The following WNK3 variants were observed in gnomAD, a reference collection of about 807,000 sequenced individuals.
WNK3 encodes WNK lysine deficient protein kinase 3.
A neutral mutation model predicts 116.7 loss-of-function variants in WNK3; 18 were observed. The observed-to-expected ratio is 0.15, with a 90% CI of 0.11 to 0.23. WNK3 has a LOEUF of 0.23. Ranked by LOEUF, WNK3 falls within the 10% of genes least tolerant of loss-of-function variation. The pLI, the probability that WNK3 is intolerant of heterozygous loss-of-function variation, is 1.00. For synonymous variants in WNK3, 404 were observed against 469.4 expected, an observed-to-expected ratio of 0.86 and a Z score of 1.80; for missense variants, 993 against 1,323.8, an observed-to-expected ratio of 0.75 and a Z score of 3.88.
At chrX:54,344,241 A>G (rs1222891430) in intron 1 of WNK3, among the ~76,000 whole-genome samples, 1 of 111,171 alleles carries the variant, frequency 9.0e-6, no homozygotes, top group Non-Finnish European at 1.9e-5. Context: ...CAGGAGATCG[A>G]GACCATCCTG....
intron 10 of WNK3, among the ~76,000 whole-genome samples, chrX:54,286,829 G>A (rs782373654): frequency 1.9e-5 from 2 of 107,036 alleles, no homozygotes; most frequent in Non-Finnish European, 3.8e-5. Flanking sequence ...AGGAGAATCA[G>A]TTGAACCCAG....
At chrX:54,317,892 A>G (rs1291986919) in intron 2 of WNK3, among the ~76,000 whole-genome samples, 2 of 109,561 alleles carry the variant, frequency 1.8e-5, no homozygotes, top group South Asian at 4.1e-4. Flanking sequence ...TCGGCCTCCC[A>G]AAGTGCTGGG....
intron 10 of WNK3, among the ~76,000 whole-genome samples, chrX:54,279,028 A>T (rs1017188797): frequency 2.7e-5 from 3 of 111,460 alleles, no homozygotes; most frequent in Admixed American, 9.6e-5. Context: ...AGATCGCGCC[A>T]TCGCATTCTA....
chrX:54,296,739 G>A (rs1219243674), intron 7 of WNK3, among the ~76,000 whole-genome samples: 1 of 111,114 alleles, frequency 9.0e-6, no homozygotes, highest in Non-Finnish European at 1.9e-5. Context: ...TGAGCCTGGC[G>A]CAGATGGTTT....
At chrX:54,308,317 G>A (rs981691686) in intron 4 of WNK3, among the ~76,000 whole-genome samples, 7 of 109,832 alleles carry the variant, frequency 6.4e-5, no homozygotes, top group East Asian at 5.7e-4. Context: ...TCAGCCTCCC[G>A]GGTAGCTGGG....
At chrX:54,355,727 C>G (rs2069585174) in intron 1 of WNK3, among the ~76,000 whole-genome samples, 1 of 111,283 alleles carries the variant, frequency 9.0e-6, no homozygotes, top group Non-Finnish European at 1.9e-5. Context: ...AAGATTCCAG[C>G]CTTATCTCAT....
At chrX:54,267,643 G>A (rs947215374) in intron 10 of WNK3, among the ~76,000 whole-genome samples, 6 of 109,679 alleles carry the variant, frequency 5.5e-5, no homozygotes, top group Non-Finnish European at 1.1e-4. Context: ...AAAATTAGGC[G>A]GGCATGGTGG....
At chrX:54,208,859 T>C (rs1557143204) in intron 22 of WNK3, among the ~76,000 whole-genome samples, 3 of 111,551 alleles carry the variant, frequency 2.7e-5, no homozygotes, top group African/African-American at 9.8e-5. Context: ...ATGCTCAGAC[T>C]TCCATATGTT....
chrX:54,278,400 A>C (rs1190085920), intron 10 of WNK3, among the ~76,000 whole-genome samples: 3 of 109,254 alleles, frequency 2.7e-5, no homozygotes, highest in African/African-American at 1.0e-4. Context: ...ATATGGAAAA[A>C]CAGAAATCCA....
chrX:54,291,080 G>A (rs968506608), intron 10 of WNK3, among the ~76,000 whole-genome samples: 21 of 111,328 alleles, frequency 1.9e-4, no homozygotes, highest in African/African-American at 4.9e-4. Flanking sequence ...TTGGGAGGCC[G>A]AGGCGGGCGG....
intron 2 of WNK3, among the ~76,000 whole-genome samples, chrX:54,330,840 T>TA (rs797041632): frequency 3.6e-4 from 36 of 100,291 alleles, no homozygotes; most frequent in Middle Eastern, 5.6e-3. Context: ...TAAAGTATAA[T>TA]AAAAAAAAAA....
At chrX:54,338,059 T>C (rs1557175764) in intron 1 of WNK3, among the ~76,000 whole-genome samples, 2 of 111,189 alleles carry the variant, frequency 1.8e-5, no homozygotes, top group Non-Finnish European at 3.8e-5. Flanking sequence ...AGACCTTGTC[T>C]CAAAACAAAA....
chrX:54,254,196 A>G (rs1221019973), intron 12 of WNK3, 121 bp from the exon 13 acceptor site: 4 of 429,260 alleles, frequency 9.3e-6, no homozygotes, highest in Non-Finnish European at 1.6e-5. Flanking sequence ...AATAGTTCAG[A>G]ATGTTTTCCC....
chrX:54,200,838 A>G (rs374885892), intron 23 of WNK3, among the ~76,000 whole-genome samples: 1 of 111,637 alleles, frequency 9.0e-6, no homozygotes, highest in Non-Finnish European at 1.9e-5. Flanking sequence ...AAGGCTTCCA[A>G]TTTTTACAAT....
chrX:54,351,212 A>G (rs1557178476), intron 1 of WNK3, among the ~76,000 whole-genome samples: 2 of 111,526 alleles, frequency 1.8e-5, no homozygotes, highest in Non-Finnish European at 3.8e-5. Context: ...TCGGGAGAAA[A>G]GTCATAAAAT....
chrX:54,272,112 G>T (rs1027163151), intron 10 of WNK3, among the ~76,000 whole-genome samples: 3 of 112,197 alleles, frequency 2.7e-5, no homozygotes, highest in African/African-American at 9.7e-5. Context: ...CATTTTTACA[G>T]AAATAGTCTG....
upstream of WNK3, chrX:54,358,425 C>G (rs2069629347): frequency 9.0e-6 from 1 of 111,379 alleles, no homozygotes; most frequent in Non-Finnish European, 1.9e-5. Flanking sequence ...CCTTGGGTCT[C>G]CGCGAGCCTC....
chrX:54,291,413 A>G (rs1363703690), intron 10 of WNK3, among the ~76,000 whole-genome samples: 1 of 112,611 alleles, frequency 8.9e-6, no homozygotes, highest in Non-Finnish European at 1.9e-5. Context: ...TTTCTTTTTC[A>G]TAACTTTATG....
chrX:54,276,679 C>T (rs2068452370), intron 10 of WNK3, among the ~76,000 whole-genome samples: 1 of 109,162 alleles, frequency 9.2e-6, no homozygotes, highest in Admixed American at 9.8e-5. Context: ...ATAATCATAT[C>T]ATTAACACAG....
Sources: gnomAD v4.1 joint callset for allele counts (sites outside exome capture counted in the v4.1 genomes callset) on GRCh38, gnomAD v4.1.1 for gene constraint, MANE v1.5 for transcripts, NCBI Gene and HGNC (gene_info 2026-07-23, HGNC 2026-07-21) for gene names.